EBF4: variants seen among roughly 807,000 people sequenced by gnomAD.
The protein encoded by EBF4 is EBF transcription factor 4.
In EBF4, 34 loss-of-function variants were observed where a neutral mutation model predicts 67.1. The ratio of observed to expected loss-of-function variants is 0.51; its 90% CI spans 0.39 to 0.67. The LOEUF (loss-of-function observed/expected upper bound fraction) is 0.67, where lower values mean the gene tolerates loss of function less well. Among genes scored for constraint, EBF4 ranks in the 30% least tolerant of loss-of-function variants. The pLI is 0.00. For missense variants in EBF4, 837 were observed against 873.3 expected (o/e 0.96, Z 0.52); for synonymous variants, 387 against 377.7 (o/e 1.02, Z -0.29).
Position 2,751,899 on chromosome 20 carries a change from G to C in EBF4, c.1108-23G>C, listed in dbSNP as rs762104164. The C allele has an allele frequency of 2.1e-4, 316 of 1,541,416 alleles. No individual in the cohort carries two copies. The highest frequency in any genetic ancestry group is 2.6e-4 in the Non-Finnish European group (297 of 1,140,316). ...CCCCCAGGGGCTGCCCCTCCGTCCC[G>C]CTGTCTCTCCCCCTGTCCCCAGGAA... On this transcript the variant is annotated intron_variant, in intron 11 of 16. Transcript: ENST00000609451. This position sits in a 1 kb window ranked among gnomAD's most constrained non-coding sequence, Gnocchi z 5.2.
chr20:2,729,161 G>T (rs2087781624), intron 6 of EBF4, among the ~76,000 whole-genome samples: 1 of 151,560 alleles, frequency 6.6e-6, no homozygotes. Context: ...TGCTGAGAAT[G>T]GGTTCAATGG....
chr20:2,732,595 A>G (rs1175165546), intron 6 of EBF4, among the ~76,000 whole-genome samples: 1 of 152,134 alleles, frequency 6.6e-6, no homozygotes, highest in East Asian at 1.9e-4. Flanking sequence ...CTCTTTTTCC[A>G]TCCCTTTATT....
chr20:2,717,381 G>A (rs1355484629), intron 6 of EBF4, among the ~76,000 whole-genome samples: 2 of 152,002 alleles, frequency 1.3e-5, no homozygotes, highest in Non-Finnish European at 2.9e-5. Context: ...GGTAATAAAT[G>A]AAAAAATAGA....
At chr20:2,695,522 T>C (rs1176674715) in intron 1 of EBF4, among the ~76,000 whole-genome samples, 10 of 152,184 alleles carry the variant, frequency 6.6e-5, no homozygotes. Context: ...AGGGGCTTTC[T>C]TCAGGCTCGG....
At chr20:2,711,052 G>A (rs1004730214) in intron 6 of EBF4, among the ~76,000 whole-genome samples, 9 of 152,056 alleles carry the variant, frequency 5.9e-5, no homozygotes, top group Admixed American at 5.9e-4. Context: ...GGAGGCCGAG[G>A]TGGGAGGATC....
chr20:2,749,874 C>G, exon 10 of EBF4: 1 of 1,551,208 alleles, frequency 6.4e-7, no homozygotes, highest in Non-Finnish European at 8.7e-7. Flanking sequence ...CATCCGGGTG[C>G]AGACGCCCCC....
chr20:2,723,414 A>T (rs6037388), intron 6 of EBF4, among the ~76,000 whole-genome samples: 17 of 151,564 alleles, frequency 1.1e-4, no homozygotes, highest in Non-Finnish European at 2.1e-4. Context: ...GCAGTGGCGC[A>T]ATCTCGGCTC....
upstream of EBF4, among the ~76,000 whole-genome samples, chr20:2,693,332 C>T (rs1460782404): frequency 6.6e-6 from 1 of 150,432 alleles, no homozygotes; most frequent in African/African-American, 2.4e-5. The surrounding 1 kb of genome is among the most constrained non-coding windows in gnomAD (Gnocchi z 4.6). Context: ...GGGGCGCCTC[C>T]GCGCGGACCG....
intron 1 of EBF4, among the ~76,000 whole-genome samples, chr20:2,695,575 T>C (rs1467731170): frequency 6.6e-6 from 1 of 152,186 alleles, no homozygotes; most frequent in East Asian, 1.9e-4. Flanking sequence ...TCTCAGGACA[T>C]AGACTAGGAG....
chr20:2,703,215 C>A (rs1181155957), intron 1 of EBF4, among the ~76,000 whole-genome samples: 1 of 149,296 alleles, frequency 6.7e-6, no homozygotes, highest in Non-Finnish European at 1.5e-5. Flanking sequence ...TGAGATCACA[C>A]CACTGCACTC....
At chr20:2,741,458 A>C (rs1039505578) in intron 6 of EBF4, among the ~76,000 whole-genome samples, 1 of 152,218 alleles carries the variant, frequency 6.6e-6, no homozygotes, top group Admixed American at 6.5e-5. Context: ...GAGTTAATGC[A>C]ATGGTGTCAC....
At chr20:2,721,246 C>CTTT (rs146844927) in intron 6 of EBF4, among the ~76,000 whole-genome samples, 43 of 108,062 alleles carry the variant, frequency 4.0e-4, no homozygotes, top group African/African-American at 1.1e-3. Context: ...TGATTCTCTT[C>CTTT]TTTTTTTTTT....
intron 14 of EBF4, among the ~76,000 whole-genome samples, chr20:2,753,460 T>G (rs1489083498): frequency 6.6e-6 from 1 of 152,256 alleles, no homozygotes. Context: ...GCTTAGCTAT[T>G]CAGCAGGCAT....
At chr20:2,743,688 G>T (rs1280664393) in intron 6 of EBF4, among the ~76,000 whole-genome samples, 1 of 152,142 alleles carries the variant, frequency 6.6e-6, no homozygotes, top group Non-Finnish European at 1.5e-5. Context: ...TAGATATAAA[G>T]CTAGTTAATG....
chr20:2,693,728 T>C lies in EBF4; in HGVS notation c.83T>C (p.Val28Ala). The C allele has an allele frequency of 7.2e-7, 1 of 1,386,544 alleles. No individual in the cohort carries two copies. The highest frequency in any genetic ancestry group is 9.3e-7 in the Non-Finnish European group (1 of 1,076,776). The allele number at this position is 1,386,544 out of a possible 1,614,324, so 85.9% of individuals were successfully genotyped here. A position where few individuals can be genotyped will look rare whatever the true frequency, so the allele number is the denominator to read the frequency against. Residue 28 changes from valine (V) to alanine (A), a missense_variant, in exon 1 of 17, where the codon GTG (valine) becomes GCG (alanine). This residue lies in a region of EBF4 where 86 missense variants were observed against 70.3 expected (regional missense o/e 1.22). Coordinates refer to ENST00000609451, the Ensembl canonical transcript of EBF4. The surrounding 1 kb of genome is among the most constrained non-coding windows in gnomAD (Gnocchi z 4.6). ...CTGCTGCCCGCCGGCCTGGGCTCAG[T>C]GCGCTCCTGGATGCAGGGCGCGGGC...
chr20:2,723,402 G>A (rs2087707921), intron 6 of EBF4, among the ~76,000 whole-genome samples: 1 of 151,976 alleles, frequency 6.6e-6, no homozygotes, highest in Admixed American at 6.5e-5. Flanking sequence ...CCAGGCTGGA[G>A]TGCAGTGGCG....
intron 6 of EBF4, among the ~76,000 whole-genome samples, chr20:2,718,924 C>T (rs2087644226): frequency 6.6e-6 from 1 of 152,180 alleles, no homozygotes; most frequent in Non-Finnish European, 1.5e-5. Context: ...ATACACTTCT[C>T]CTCAAGTACT....
In EBF4 at chr20:2,707,833, T is replaced by C; in HGVS notation, c.415-114T>C. 1 of 1,073,652 alleles carries C rather than the reference T, an allele frequency of 9.3e-7. No individual in the cohort carries two copies. The highest frequency in any genetic ancestry group is 2.9e-5 in the East Asian group (1 of 35,016). The allele number at this position is 1,073,652 out of a possible 1,614,324, so 66.5% of individuals were successfully genotyped here. A position where few individuals can be genotyped will look rare whatever the true frequency, so the allele number is the denominator to read the frequency against. ...GCAAGGCAGAGGGCGTGCTCTTCCC[T>C]GGGGCAGGGTCTCCCTGGGCCTAGG... On this transcript the variant is annotated intron_variant, in intron 4 of 16. Transcript: ENST00000609451. The surrounding 1 kb of genome is among the most constrained non-coding windows in gnomAD (Gnocchi z 4.6).
At chr20:2,748,476 GCAGGGAGCAGTTGGATCTTCATCTGTTTC>G in intron 6 of EBF4, 44 bp from the exon 7 acceptor site, 1 of 1,417,026 alleles carries the variant, frequency 7.1e-7, no homozygotes, top group South Asian at 1.3e-5. Flanking sequence ...AGGGGGCATG[GCAGGGAGCAGTTGGATCTTCATCTGTTTC>G]CAGAACCCCC....
Sources: allele counts gnomAD v4.1 joint callset (sites outside exome capture counted in the v4.1 genomes callset), GRCh38; gene constraint gnomAD v4.1.1; regional missense constraint gnomAD v4.1.1; non-coding constraint Gnocchi (gnomAD v3.1); transcripts MANE v1.5; gene names NCBI Gene and HGNC (gene_info 2026-07-23, HGNC 2026-07-21).